RASSF7: variants seen among roughly 807,000 people sequenced by gnomAD.
RASSF7 encodes the protein ras association domain-containing protein 7.
A neutral mutation model predicts 33.8 loss-of-function variants in RASSF7; 41 were observed. That is an observed-to-expected ratio of 1.21 (90% confidence interval 0.95 to 1.57). The LOEUF (loss-of-function observed/expected upper bound fraction) is 1.57, where lower values mean the gene tolerates loss of function less well. Ranked by LOEUF, RASSF7 falls within the 40% of genes most tolerant of loss-of-function variation. The pLI is 0.00. For missense variants in RASSF7, 622 were observed against 497.0 expected (o/e 1.25, Z -2.39); for synonymous variants, 298 against 212.8 (o/e 1.40, Z -3.48).
In RASSF7 at chr11:563,927, G is replaced by A. The variant is rs998197748; in HGVS notation, c.*282G>A. Reference sequence around the variant, plus strand: ...AAGCTGTGGGCATGTGCTTGCCTGCGGGAGAGGTCCTTCACTGTGTGTACA... The same window carrying A: ...AAGCTGTGGGCATGTGCTTGCCTGCAGGAGAGGTCCTTCACTGTGTGTACA... On this transcript the variant is annotated 3_prime_UTR_variant, in exon 6 of 6. Transcript: ENST00000397583. 9 of 549,008 alleles carry A rather than the reference G, an allele frequency of 1.6e-5. No individual in the cohort carries two copies. The highest frequency in any genetic ancestry group is 8.9e-5 in the East Asian group (3 of 33,660). The allele number at this position is 549,008 out of a possible 1,614,324, so 34.0% of individuals were successfully genotyped here.
chr11:563,780 C>A lies in RASSF7; in HGVS notation c.*135C>A. 1 of 831,104 alleles carries A rather than the reference C, an allele frequency of 1.2e-6. No individual in the cohort carries two copies. Among genetic ancestry groups the A allele is most frequent in the Non-Finnish European group, 1.8e-6 (1 of 543,656 alleles). The allele number at this position is 831,104 out of a possible 1,614,324, so 51.5% of individuals were successfully genotyped here. On this transcript the variant is annotated 3_prime_UTR_variant, in exon 6 of 6. Transcript: ENST00000397583. ...AGCTGGGGGTGCAGTGGGGGACTGC[C>A]CTAGTCCTTGCCAGGTCGCCAGCAC... is the stretch of plus-strand genomic sequence containing the variant.
In RASSF7 at chr11:562,473, C is replaced by T. The variant is rs200224949; in HGVS notation, c.519C>T (p.Ala173=). 1,126 of 1,550,442 alleles carry T rather than the reference C, an allele frequency of 7.3e-4. 2 individuals are homozygous for T. The highest frequency in any genetic ancestry group is 7.9e-4 in the Non-Finnish European group (904 of 1,146,954). The change falls in exon 3 of 6, where the codon GCC becomes GCT. Residue 173 remains alanine, a synonymous_variant. Coordinates refer to ENST00000397583, the MANE Select transcript of RASSF7 (RefSeq NM_003475.4). The stretch of plus-strand genomic sequence containing the variant: ...ATGCTGAGGAGCTGGGCCATGAGGC[C>T]TTCTGGGAGCAAGAGCTGCGCCGGG... ...QRNAEELGHE[A]FWEQELRREQ...
Position 561,792 on chromosome 11 carries a change from G to A in RASSF7, c.24G>A (p.Met8Ile), listed in dbSNP as rs1853328997. The A allele has an allele frequency of 6.2e-7, 1 of 1,613,288 alleles. No homozygotes were observed. The highest frequency in any genetic ancestry group is 1.3e-5 in the African/African-American group (1 of 74,944). Residue 8 changes from methionine (M) to isoleucine (I), a missense_variant, in exon 2 of 6, where the codon ATG (methionine) becomes ATA (isoleucine). Met to Ile is a conservative substitution (Grantham distance 10). Transcript: ENST00000397583. ...GCATGTTGTTGGGACTGGCGGCCAT[G>A]GAGCTGAAGGTGTGGGTGGATGGCA... is the stretch of plus-strand genomic sequence containing the variant. MLLGLAA[M>I]ELKVWVDGIQ...
rs1477207984 is a variant in RASSF7, at chr11:561,809, T to C, written c.41T>C (p.Val14Ala). Residue 14 changes from valine to alanine, a missense_variant, in exon 2 of 6, where the codon GTG becomes GCG. By Grantham distance (64) the Val-to-Ala change is moderately conservative (BLOSUM62 0). Coordinates refer to ENST00000397583, the MANE Select transcript of RASSF7 (RefSeq NM_003475.4). Reference protein sequence around the residue: ...GLAAMELKVWVDGIQRVVCGV... With the variant: ...GLAAMELKVWADGIQRVVCGV... ...GCGGCCATGGAGCTGAAGGTGTGGGTGGATGGCATCCAGCGTGTGGTCTGT... is the reference window on the plus strand; with the variant it reads ...GCGGCCATGGAGCTGAAGGTGTGGGCGGATGGCATCCAGCGTGTGGTCTGT... The C allele has an allele frequency of 6.2e-7, 1 of 1,613,138 alleles. No homozygotes were observed. Among genetic ancestry groups the C allele is most frequent in the East Asian group, 2.2e-5 (1 of 44,870 alleles).
rs1163033033 is a variant in RASSF7, at chr11:562,592, A to T, written c.638A>T (p.Gln213Leu). 9.1e-6 allele frequency: 14 copies of T among 1,543,426 alleles called. No homozygotes were observed. The highest frequency in any genetic ancestry group is 2.7e-5 in the African/African-American group (2 of 73,106). ...HAARLQALDA[Q>L]ARALEAELQL... ...GCCCGGCTGCAGGCCCTGGACGCTC[A>T]GGCCCGTGCCCTGGAGGCTGAGCTG... Residue 213 changes from glutamine to leucine, a missense_variant, in exon 3 of 6, where the codon CAG (glutamine) becomes CTG (leucine). Physicochemically the swap from Gln to Leu is moderately radical, Grantham distance 113. Coordinates refer to ENST00000397583, the MANE Select transcript of RASSF7 (RefSeq NM_003475.4).
At chr11:561,562 T>C (rs1341876904) in intron 1 of RASSF7, 85 bp downstream of exon 1, 1 of 1,396,564 alleles carries the variant, frequency 7.2e-7, no homozygotes, top group South Asian at 1.5e-5. Flanking sequence ...GCTGGTGAAG[T>C]GGGGGAGGAT....
Position 563,726 on chromosome 11 carries a change from C to A in RASSF7, c.*81C>A. 2.3e-6 allele frequency: 3 copies of A among 1,324,648 alleles called. No individual in the cohort carries two copies. The highest frequency in any genetic ancestry group is 2.6e-4 in the Middle Eastern group (1 of 3,902). The allele number at this position is 1,324,648 out of a possible 1,614,324, so 82.1% of individuals were successfully genotyped here. The stretch of plus-strand genomic sequence containing the variant: ...GGTCACAGAGGGCTCCTCTGCCAGG[C>A]AGTGGGAAGCCCTGGGTTTGGCCTC... On this transcript the variant is annotated 3_prime_UTR_variant, in exon 6 of 6. Coordinates refer to ENST00000397583, the MANE Select transcript of RASSF7 (RefSeq NM_003475.4).
rs1564823907 is a variant in RASSF7, at chr11:562,434, C to T, written c.480C>T (p.Leu160=). The T allele has an allele frequency of 6.4e-7, 1 of 1,552,900 alleles. No individual in the cohort carries two copies. The highest frequency in any genetic ancestry group is 1.9e-5 in the Admixed American group (1 of 51,292). The change falls in exon 3 of 6, where the codon CTC becomes CTT. Residue 160 remains leucine (L), a synonymous_variant. Coordinates refer to ENST00000397583, the MANE Select transcript of RASSF7 (RefSeq NM_003475.4). ...GCACAGACCTGCGGGGCCTGGAGCT[C>T]AGGGTGCAGAGGAATGCTGAGGAGC... The part of the protein sequence containing the change: ...GCCTDLRGLE[L]RVQRNAEELG...
Position 561,252 on chromosome 11 carries a change from G to A in RASSF7, c.-233G>A, listed in dbSNP as rs1853283108. 5 of 985,580 alleles carry A rather than the reference G, an allele frequency of 5.1e-6. No homozygotes were observed. Among genetic ancestry groups the A allele is most frequent in the Non-Finnish European group, 4.8e-6 (4 of 830,002 alleles). The allele number at this position is 985,580 out of a possible 1,614,324, so 61.1% of individuals were successfully genotyped here. ...CCCGCGGCGGGGACCGGGACTTTCG[G>A]GGCGAGCGCAGCGATTAGGCGGCAG... On this transcript the variant is annotated 5_prime_UTR_variant, in exon 1 of 6. Transcript: ENST00000397583.
At chr11:563,532 C>G (rs559904071) in intron 5 of RASSF7, 26 bp from the exon 6 acceptor site, 11 of 1,610,486 alleles carry the variant, frequency 6.8e-6, no homozygotes, top group Admixed American at 5.0e-5. Context: ...GTGGCTGCAG[C>G]CACCTCAGCC....
chr11:561,680 A>G, intron 1 of RASSF7, 82 bp from the exon 2 acceptor site: 2 of 1,576,984 alleles, frequency 1.3e-6, no homozygotes, highest in African/African-American at 2.7e-5. Flanking sequence ...TTTCTAGGGC[A>G]GGCCAAGAGG....
At position 562,122 on chromosome 11, in the gene RASSF7, G is replaced by A. The variant is rs561998739; in HGVS notation, c.168G>A (p.Lys56=). The change falls in exon 3 of 6, where the codon AAG becomes AAA. Residue 56 remains lysine, a synonymous_variant. Transcript: ENST00000397583. ...RFVLVQRLRE[K]ERQLLPQECP... Reference sequence around the variant, plus strand: ...TGCTTGTGCAGCGGCTTCGGGAGAAGGAGCGGCAGTTGCTGCCACAAGAGT... The same window carrying A: ...TGCTTGTGCAGCGGCTTCGGGAGAAAGAGCGGCAGTTGCTGCCACAAGAGT... 2.6e-6 allele frequency: 4 copies of A among 1,537,226 alleles called. No homozygotes were observed. The African/African-American group carries it at 5.5e-5, about 21-fold the overall frequency.
rs549717989 is a variant in RASSF7, at chr11:561,963, G to A, written c.124+71G>A. 2.2e-4 allele frequency: 358 copies of A among 1,598,516 alleles called. 1 individual carries two copies. The highest frequency in any genetic ancestry group is 2.9e-4 in the Non-Finnish European group (345 of 1,171,354). On this transcript the variant is annotated intron_variant, in intron 2 of 5. Coordinates refer to ENST00000397583, the MANE Select transcript of RASSF7 (RefSeq NM_003475.4). Reference sequence around the variant, plus strand: ...TGGGACCTGGTGGTCCAGCTCCATGGTCTCCCCCAAGGAGAGTGGGGCTGG... The same window carrying A: ...TGGGACCTGGTGGTCCAGCTCCATGATCTCCCCCAAGGAGAGTGGGGCTGG...
Position 563,715 on chromosome 11 carries a change from C to T in RASSF7, c.*70C>T, listed in dbSNP as rs888540564. ...GGAGAGTTGGCGGTCACAGAGGGCTCCTCTGCCAGGCAGTGGGAAGCCCTG... is the reference window on the plus strand; with the variant it reads ...GGAGAGTTGGCGGTCACAGAGGGCTTCTCTGCCAGGCAGTGGGAAGCCCTG... On this transcript the variant is annotated 3_prime_UTR_variant, in exon 6 of 6. Transcript: ENST00000397583. 31 of 1,404,844 alleles carry T rather than the reference C, an allele frequency of 2.2e-5. No individual in the cohort carries two copies. The African/African-American group carries it at 4.2e-4, about 19-fold the overall frequency. The allele number at this position is 1,404,844 out of a possible 1,614,324, so 87.0% of individuals were successfully genotyped here. A position where few individuals can be genotyped will look rare whatever the true frequency, so the allele number is the denominator to read the frequency against.
At position 561,426 on chromosome 11, in the gene RASSF7, C is replaced by T; in HGVS notation, c.-59C>T. The T allele has an allele frequency of 1.9e-5, 22 of 1,143,606 alleles. No homozygotes were observed. The highest frequency in any genetic ancestry group is 2.3e-5 in the Non-Finnish European group (21 of 926,906). The allele number at this position is 1,143,606 out of a possible 1,614,324, so 70.8% of individuals were successfully genotyped here. On this transcript the variant is annotated 5_prime_UTR_variant, in exon 1 of 6. Transcript: ENST00000397583. ...CCATGCCGGCGGCCGCGGGGCCTGG[C>T]GTGCGGGCGCCTCCGCGCCGCCCGG...
In RASSF7 at chr11:562,366, C is replaced by G; in HGVS notation, c.412C>G (p.Arg138Gly). 6.3e-7 allele frequency: 1 copy of G among 1,596,930 alleles called. No individual in the cohort carries two copies. The highest frequency in any genetic ancestry group is 1.7e-5 in the Admixed American group (1 of 57,918). Residue 138 changes from arginine (R) to glycine (G), a missense_variant, in exon 3 of 6, where the codon CGC (arginine) becomes GGC (glycine). By Grantham distance (125) the Arg-to-Gly change is moderately radical. Transcript: ENST00000397583. ...CCCCGAGCCAGCCCCCAGCCTCTCACGCCCTGGGCCTGCGGCCCCTGTGAC... is the reference window on the plus strand; with the variant it reads ...CCCCGAGCCAGCCCCCAGCCTCTCAGGCCCTGGGCCTGCGGCCCCTGTGAC... ...LTPEPAPSLS[R>G]PGPAAPVTPT...
intron 2 of RASSF7, 29 bp from the exon 3 acceptor site, chr11:562,050 A>G (rs766781313): frequency 8.7e-6 from 13 of 1,500,934 alleles, no homozygotes; most frequent in Admixed American, 2.3e-5. Context: ...TCGGGGGGAC[A>G]TAGGCTGACC....
At position 561,904 on chromosome 11, in the gene RASSF7, C is replaced by T. The variant is rs376549495; in HGVS notation, c.124+12C>T. 6.2e-6 allele frequency: 10 copies of T among 1,612,810 alleles called. No homozygotes were observed. The highest frequency in any genetic ancestry group is 1.6e-4 in the Middle Eastern group (1 of 6,084). On this transcript the variant is annotated intron_variant, in intron 2 of 5. Coordinates refer to ENST00000397583, the MANE Select transcript of RASSF7 (RefSeq NM_003475.4). The stretch of plus-strand genomic sequence containing the variant: ...AGCCCAAGCAATAGGTGAGTCCTCT[C>T]GGGGTCAGGCAGGCCGGGCAGGTAG...
At chr11:561,655 G>A in intron 1 of RASSF7, 107 bp from the exon 2 acceptor site, 6 of 1,517,840 alleles carry the variant, frequency 4.0e-6, no homozygotes, top group Non-Finnish European at 4.4e-6. Context: ...GTGCGGAGGG[G>A]CGGCAGCCCA....
Sources: allele counts gnomAD v4.1 joint callset, GRCh38; gene constraint gnomAD v4.1.1; transcripts MANE v1.5; gene names NCBI Gene and HGNC (gene_info 2026-07-23, HGNC 2026-07-21).